Variants in NRBP1 observed in about 807,000 individuals in gnomAD.
NRBP1 encodes nuclear receptor-binding protein.
In NRBP1, 10 loss-of-function variants were observed where a neutral mutation model predicts 76.0. That is an observed-to-expected ratio of 0.13 (90% confidence interval 0.08 to 0.22). NRBP1 has a LOEUF of 0.22. Among genes scored for constraint, NRBP1 ranks in the 10% least tolerant of loss-of-function variants. The pLI is 1.00. For missense variants in NRBP1, 344 were observed against 646.0 expected (o/e 0.53, Z 5.07); for synonymous variants, 235 against 240.2 (o/e 0.98, Z 0.20).
rs769914699 is a variant in NRBP1, at chr2:27,440,450, A to C, written c.1084A>C (p.Thr362Pro). 6.2e-7 allele frequency: 1 copy of C among 1,613,994 alleles called. No individual in the cohort carries two copies. The highest frequency in any genetic ancestry group is 1.3e-5 in the African/African-American group (1 of 74,918). Residue 362 changes from threonine (T) to proline (P), a missense_variant, in exon 12 of 18, where the codon ACT (threonine) becomes CCT (proline). Around this residue, in one of 3 missense-constraint regions of NRBP1, gnomAD observed 218 missense variants for 309.8 expected, o/e 0.70. Coordinates refer to ENST00000379852, the MANE Select transcript of NRBP1 (RefSeq NM_013392.4). The stretch of plus-strand genomic sequence containing the variant: ...AGAGGAGATCACCAAAAACATGGAT[A>C]CTAGTGCCGTACTGGCTGAAATCCC... ...ALEEITKNMDTSAVLAEIPAG... is the reference protein window; with the variant it reads ...ALEEITKNMDPSAVLAEIPAG...
rs1459095347 is a variant in NRBP1, at chr2:27,442,038, C to G, written c.*226C>G. ...TGTTTTGCACAGACGTGGGCCTGGG[C>G]CTTCTCAGCAGCCGCCTTCTAGTTG... On this transcript the variant is annotated 3_prime_UTR_variant, in exon 18 of 18. Coordinates refer to ENST00000379852, the MANE Select transcript of NRBP1 (RefSeq NM_013392.4). 3 of 540,998 alleles carry G rather than the reference C, an allele frequency of 5.5e-6. No individual in the cohort carries two copies. Among genetic ancestry groups the G allele is most frequent in the Non-Finnish European group, 9.7e-6 (3 of 309,370 alleles). The allele number at this position is 540,998 out of a possible 1,614,324, so 33.5% of individuals were successfully genotyped here. A position where few individuals can be genotyped will look rare whatever the true frequency, so the allele number is the denominator to read the frequency against.
chr2:27,439,391 A>G (rs548531520), intron 10 of NRBP1, among the ~76,000 whole-genome samples: 4 of 151,158 alleles, frequency 2.6e-5, no homozygotes, highest in Non-Finnish European at 5.9e-5. Flanking sequence ...AGGCTGAGGC[A>G]GGAGAATGGC....
At chr2:27,430,469 C>CTTTTTTTTT (rs977927783) in intron 1 of NRBP1, among the ~76,000 whole-genome samples, 12 of 138,702 alleles carry the variant, frequency 8.7e-5, no homozygotes, top group East Asian at 2.1e-4. Flanking sequence ...TTCTTTTTTT[C>CTTTTTTTTT]TTTTTTTTTT....
chr2:27,440,394 G>A lies in NRBP1; in HGVS notation c.1037-9G>A. 1 of 1,568,202 alleles carries A rather than the reference G, an allele frequency of 6.4e-7. No individual in the cohort carries two copies. Among genetic ancestry groups the A allele is most frequent in the Non-Finnish European group, 8.8e-7 (1 of 1,138,366 alleles). On this transcript the variant is annotated splice_polypyrimidine_tract_variant and intron_variant, in intron 11 of 17. Coordinates refer to ENST00000379852, the MANE Select transcript of NRBP1 (RefSeq NM_013392.4). ...CCTTCATAATATCCCACTCCATCAT[G>A]CCCTCCAGACATGATCCCAGAGAAC...
intron 2 of NRBP1, 83 bp downstream of exon 2, chr2:27,433,566 AC>A: frequency 6.2e-7 from 1 of 1,602,398 alleles, no homozygotes; most frequent in Non-Finnish European, 8.5e-7. Flanking sequence ...AAAGAGGCCA[AC>A]CAAACTTCAA....
chr2:27,436,151 T>C lies in NRBP1; in HGVS notation c.662-602T>C, dbSNP rs549043660. 32 of 289,692 alleles carry C rather than the reference T, an allele frequency of 1.1e-4. No individual in the cohort carries two copies. In the South Asian group the frequency reaches 1.5e-3, roughly 14 times the overall value. The allele number at this position is 289,692 out of a possible 1,614,324, so 17.9% of individuals were successfully genotyped here. ...GGGTAGAACAGGAGTCTAAAATGTT[T>C]TGGTGGATTAAAAGTGGAACAGATT... On this transcript the variant is annotated intron_variant, in intron 7 of 17. Transcript: ENST00000379852.
rs190406677 is a variant in NRBP1 at position 27,432,144 on chromosome 2, C to T, written c.-20-1110C>T. On this transcript the variant is annotated intron_variant, in intron 1 of 17. Transcript: ENST00000379852. ...GATTAAAGGCGTGAGCCACTGTGCC[C>T]GTCCACACATAGCTTAATTCTTGAG... 8.9e-4 allele frequency among the ~76,000 whole-genome samples: 135 copies of T among 152,288 alleles called. 2 individuals are homozygous for T. The highest frequency in any genetic ancestry group is 6.8e-4 in the Non-Finnish European group (46 of 68,014).
At position 27,442,135 on chromosome 2, in the gene NRBP1, C is replaced by T. The variant is rs1664608848; in HGVS notation, c.*323C>T. 9.5e-6 allele frequency: 5 copies of T among 528,974 alleles called. No individual in the cohort carries two copies. The highest frequency in any genetic ancestry group is 1.7e-5 in the Non-Finnish European group (5 of 302,580). 32.8% of individuals were successfully genotyped at this position (528,974 alleles called of 1,614,324 possible). ...GGAGGCCCACGGGCACTAGGGGAGCCGAATTCTACAATCCCGCTGGGGCGG... is the reference window on the plus strand; with the variant it reads ...GGAGGCCCACGGGCACTAGGGGAGCTGAATTCTACAATCCCGCTGGGGCGG... On this transcript the variant is annotated 3_prime_UTR_variant, in exon 18 of 18. Coordinates refer to ENST00000379852, the MANE Select transcript of NRBP1 (RefSeq NM_013392.4).
intron 1 of NRBP1, among the ~76,000 whole-genome samples, chr2:27,430,114 A>C (rs1459845608): frequency 6.6e-6 from 1 of 152,134 alleles, no homozygotes; most frequent in Non-Finnish European, 1.5e-5. Context: ...CGATCCTCCC[A>C]CTTCAGCCTC....
chr2:27,428,407 G>A, upstream of NRBP1: 1 of 370,958 alleles, frequency 2.7e-6, no homozygotes, highest in East Asian at 3.9e-5. Context: ...ACCGGGCGGT[G>A]GGGTGGACAG....
In NRBP1 at chr2:27,434,234, T is replaced by C. The variant is rs557503051; in HGVS notation, c.435+144T>C. The C allele has an allele frequency of 5.3e-6, 4 of 758,286 alleles. No homozygotes were observed. The East Asian group carries it at 1.0e-4, about 19-fold the overall frequency. The allele number at this position is 758,286 out of a possible 1,614,324, so 47.0% of individuals were successfully genotyped here. ...GCTGCAATGGCGATAAGAGTAGGGC[T>C]TCAGTTGTCACCTATGCCTTTTGTG... On this transcript the variant is annotated intron_variant, in intron 4 of 17. Coordinates refer to ENST00000379852, the MANE Select transcript of NRBP1 (RefSeq NM_013392.4).
Position 27,440,877 on chromosome 2 carries a change from A to G in NRBP1, c.1266A>G (p.Ser422=). 6.2e-7 allele frequency: 1 copy of G among 1,613,928 alleles called. No homozygotes were observed. The highest frequency in any genetic ancestry group is 1.7e-4 in the Middle Eastern group (1 of 6,020). Residue 422 remains serine, a synonymous_variant, in exon 14 of 18, where the codon TCA becomes TCG. Transcript: ENST00000379852. ...PQQPQQEEVT[S]PVVPPSVKTP... ...AGCCACAGCAGGAGGAGGTGACATC[A>G]CCTGTCGTGCCCCCCTCTGTCAAGA...
chr2:27,430,478 T>TTTC (rs1558332706), intron 1 of NRBP1, among the ~76,000 whole-genome samples: 3 of 137,784 alleles, frequency 2.2e-5, no homozygotes, highest in Non-Finnish European at 3.1e-5. Flanking sequence ...TCTTTTTTTT[T>TTTC]TTTTTTTTGA....
At position 27,437,347 on chromosome 2, in the gene NRBP1, A is replaced by C; in HGVS notation, c.890A>C (p.Asp297Ala). The C allele has an allele frequency of 6.2e-7, 1 of 1,613,068 alleles. No individual in the cohort carries two copies. Among genetic ancestry groups the C allele is most frequent in the Non-Finnish European group, 8.5e-7 (1 of 1,179,220 alleles). Residue 297 changes from aspartate to alanine, a missense_variant, in exon 10 of 18, where the codon GAC becomes GCC. Around this residue, in one of 3 missense-constraint regions of NRBP1, gnomAD observed 218 missense variants for 309.8 expected, o/e 0.70. Transcript: ENST00000379852. ...AISSAIQLLEDPLQREFIQKC... is the reference protein window; with the variant it reads ...AISSAIQLLEAPLQREFIQKC... Reference sequence around the variant, plus strand: ...AGCAGTGCCATCCAGCTTCTAGAAGACCCATTACAGAGGGTAAGGATCTTC... The same window carrying C: ...AGCAGTGCCATCCAGCTTCTAGAAGCCCCATTACAGAGGGTAAGGATCTTC...
chr2:27,428,768 G>A (rs1663972489), intron 1 of NRBP1, 37 bp downstream of exon 1: 1 of 398,110 alleles, frequency 2.5e-6, no homozygotes, highest in Middle Eastern at 6.3e-4. Context: ...GGGAGGGAGG[G>A]GTTCGCGAGA....
chr2:27,435,907 G>T, intron 7 of NRBP1: 1 of 662,868 alleles, frequency 1.5e-6, no homozygotes. Context: ...CCGCCTGCTT[G>T]CCCCTTCATA....
chr2:27,441,036 C>G, intron 14 of NRBP1, 91 bp from the exon 15 acceptor site: 3 of 1,608,054 alleles, frequency 1.9e-6, no homozygotes, highest in Non-Finnish European at 2.5e-6. Context: ...AAAATGCTCC[C>G]TAGCAGCCAT....
chr2:27,435,978 C>G (rs1572690471), intron 7 of NRBP1: 1 of 598,392 alleles, frequency 1.7e-6, no homozygotes, highest in Admixed American at 2.9e-5. Context: ...TTCATGTTCT[C>G]CCTCATCATC....
chr2:27,439,862 A>C lies in NRBP1; in HGVS notation c.1000A>C (p.Lys334Gln). Residue 334 changes from lysine to glutamine, a missense_variant, in exon 11 of 18, where the codon AAA becomes CAA. By Grantham distance (53) the Lys-to-Gln change is moderately conservative. Around this residue, in one of 3 missense-constraint regions of NRBP1, gnomAD observed 218 missense variants for 309.8 expected, o/e 0.70. Transcript: ENST00000379852. ...AGCATTGTTTGAAGTGCCCTCGCTC[A>C]AACTCCTTGCGGCCCACTGCATTGT... ...HPALFEVPSL[K>Q]LLAAHCIVGH... The C allele has an allele frequency of 6.2e-7, 1 of 1,614,160 alleles. No homozygotes were observed. Among genetic ancestry groups the C allele is most frequent in the Non-Finnish European group, 8.5e-7 (1 of 1,180,006 alleles).
Sources: gnomAD v4.1 joint callset for allele counts (sites outside exome capture counted in the v4.1 genomes callset) on GRCh38, gnomAD v4.1.1 for gene constraint, gnomAD v4.1.1 regional missense constraint, MANE v1.5 for transcripts, NCBI Gene and HGNC (gene_info 2026-07-23, HGNC 2026-07-21) for gene names.